Variants in RIT1 observed in about 807,000 individuals in gnomAD.
RIT1 encodes the protein Ras like without CAAX 1, also known as GTP-binding protein Rit1.
Under a neutral mutation model 25.6 loss-of-function variants are expected in RIT1, and 6 were observed. The ratio of observed to expected loss-of-function variants is 0.23; its 90% CI spans 0.13 to 0.46. RIT1 has a LOEUF of 0.46. Among genes scored for constraint, RIT1 ranks in the 20% least tolerant of loss-of-function variants. RIT1 has a pLI of 0.99. For synonymous variants in RIT1, 81 were observed against 94.1 expected, an observed-to-expected ratio of 0.86 and a Z score of 0.80; for missense variants, 219 against 284.4, an observed-to-expected ratio of 0.77 and a Z score of 1.65.
In RIT1 at chr1:155,899,768, T is replaced by C. The variant is rs1477416855; in HGVS notation, c.*620A>G. 9.0e-6 allele frequency: 2 copies of C among 221,684 alleles called. No individual in the cohort carries two copies. Among genetic ancestry groups the C allele is most frequent in the African/African-American group, 2.2e-5 (1 of 44,768 alleles). The allele number at this position is 221,684 out of a possible 1,614,324, so 13.7% of individuals were successfully genotyped here. ...TGAATTTGGGCCAAATGTGTACTTC[T>C]TAGAAAAGCGAAGCTTGTACTGAGA... On this transcript the variant is annotated 3_prime_UTR_variant, in exon 6 of 6. Coordinates refer to ENST00000368323, the MANE Select transcript of RIT1 (RefSeq NM_006912.6).
chr1:155,910,788 C>CCGGG lies in RIT1; in HGVS notation c.-28_-27insCCCG, dbSNP rs1673580126. The CCGGG allele has an allele frequency of 6.2e-7, 1 of 1,614,022 alleles. No homozygotes were observed. Among genetic ancestry groups the CCGGG allele is most frequent in the Admixed American group, 1.7e-5 (1 of 60,000 alleles). ...GTCCTCTTGGGGCCTTCCTCGGTTG[C>CCGGG]CCCGAGGAAAAGCCACCTAGAAAAG... On this transcript the variant is annotated 5_prime_UTR_variant, in exon 2 of 6. Transcript: ENST00000368323.
At chr1:155,903,047 C>T (rs1673346233) in intron 5 of RIT1, among the ~76,000 whole-genome samples, 5 of 151,968 alleles carry the variant, frequency 3.3e-5, no homozygotes, top group Admixed American at 3.3e-4. Context: ...CCTGTAATCC[C>T]AGCACTTTGG....
At position 155,900,548 on chromosome 1, in the gene RIT1, T is replaced by C. The variant is rs1372704169; in HGVS notation, c.500A>G (p.Tyr167Cys). Residue 167 changes from tyrosine (Y) to cysteine (C), a missense_variant, in exon 6 of 6, where the codon TAC becomes TGC. Tyr to Cys is a radical substitution (Grantham distance 194). Coordinates refer to ENST00000368323, the MANE Select transcript of RIT1 (RefSeq NM_006912.6). Reference sequence around the variant, plus strand: ...GAAAACATCATCAATATAGTAGCGGTATGCAGCAGATGTCTCAAAAAAGGG... The same window carrying C: ...GAAAACATCATCAATATAGTAGCGGCATGCAGCAGATGTCTCAAAAAAGGG... ...SCPFFETSAA[Y>C]RYYIDDVFHA... 8 of 1,614,064 alleles carry C rather than the reference T, an allele frequency of 5.0e-6. No individual in the cohort carries two copies. The highest frequency in any genetic ancestry group is 5.9e-6 in the Non-Finnish European group (7 of 1,180,046).
At chr1:155,908,648 C>T (rs1450802645) in intron 3 of RIT1, among the ~76,000 whole-genome samples, 2 of 150,796 alleles carry the variant, frequency 1.3e-5, no homozygotes, top group Middle Eastern at 3.2e-3. Flanking sequence ...CTGCAACCTC[C>T]GCCTCCCAGG....
chr1:155,909,216 A>C (rs1314177482), intron 3 of RIT1, among the ~76,000 whole-genome samples: 1 of 151,926 alleles, frequency 6.6e-6, no homozygotes, highest in African/African-American at 2.4e-5. Flanking sequence ...TCTACTAAAA[A>C]TACAAAAAAA....
At chr1:155,910,233 G>A (rs1241626101) in intron 3 of RIT1, 1 of 553,914 alleles carries the variant, frequency 1.8e-6, no homozygotes, top group East Asian at 3.0e-5. Context: ...TCCCATTAAT[G>A]TTCAGTAAGA....
At chr1:155,907,184 AC>A (rs1193279955) in intron 3 of RIT1, among the ~76,000 whole-genome samples, 1 of 78,464 alleles carries the variant, frequency 1.3e-5, no homozygotes, top group Non-Finnish European at 2.6e-5. Context: ...TTTTAGCTAC[AC>A]ATACACATGC....
At chr1:155,906,786 A>AG (rs1673451658) in intron 3 of RIT1, among the ~76,000 whole-genome samples, 1 of 148,370 alleles carries the variant, frequency 6.7e-6, no homozygotes, top group African/African-American at 2.5e-5. Flanking sequence ...AAAAAAAAAG[A>AG]AAAAAAGAAA....
At chr1:155,904,216 A>G in intron 5 of RIT1, 95 bp downstream of exon 5, 1 of 1,023,002 alleles carries the variant, frequency 9.8e-7, no homozygotes, top group Non-Finnish European at 1.4e-6. Flanking sequence ...TTTAAGGCAA[A>G]AAAATCTGTA....
chr1:155,903,294 C>CAA (rs912574521), intron 5 of RIT1, among the ~76,000 whole-genome samples: 1 of 138,156 alleles, frequency 7.2e-6, no homozygotes, highest in Non-Finnish European at 1.6e-5. Context: ...GACTCCGTCT[C>CAA]AAAAAAAAAT....
intron 5 of RIT1, among the ~76,000 whole-genome samples, chr1:155,902,658 A>G (rs1673335983): frequency 6.6e-6 from 1 of 151,354 alleles, no homozygotes; most frequent in Non-Finnish European, 1.5e-5. Context: ...CCCGGCCAAC[A>G]TGGTGAAACC....
Position 155,906,425 on chromosome 1 carries a change from G to A in RIT1, c.164-1621C>T, listed in dbSNP as rs181154689. Among the ~76,000 whole-genome samples the A allele has an allele frequency of 2.7e-3, 404 of 151,922 alleles. 3 individuals are homozygous for A. The highest frequency in any genetic ancestry group is 8.9e-3 in the African/African-American group (370 of 41,420). On this transcript the variant is annotated intron_variant, in intron 3 of 5. Coordinates refer to ENST00000368323, the MANE Select transcript of RIT1 (RefSeq NM_006912.6). ...AGTTGTGAAATCTACTTAATGGGCC[G>A]GGACCAGCATTAAAATAAACAAGCA...
rs774921759 is a variant in RIT1 at position 155,899,339 on chromosome 1, T to G, written c.*1049A>C. 6 of 221,592 alleles carry G rather than the reference T, an allele frequency of 2.7e-5. No individual in the cohort carries two copies. Among genetic ancestry groups the G allele is most frequent in the African/African-American group, 1.3e-4 (6 of 44,730 alleles). The allele number at this position is 221,592 out of a possible 1,614,324, so 13.7% of individuals were successfully genotyped here. A position where few individuals can be genotyped will look rare whatever the true frequency, so the allele number is the denominator to read the frequency against. The stretch of plus-strand genomic sequence containing the variant: ...CCCATTCAACAGAAATAGCAGATTT[T>G]CTCAGAGCACTGAGTCTAGTGATTG... On this transcript the variant is annotated 3_prime_UTR_variant, in exon 6 of 6. Transcript: ENST00000368323.
At chr1:155,908,272 A>G (rs1411872966) in intron 3 of RIT1, among the ~76,000 whole-genome samples, 1 of 151,084 alleles carries the variant, frequency 6.6e-6, no homozygotes, top group East Asian at 2.0e-4. Flanking sequence ...TGGCTAACAC[A>G]GTGAAACCCT....
chr1:155,904,515 A>G lies in RIT1; in HGVS notation c.238-13T>C. The G allele has an allele frequency of 6.2e-7, 1 of 1,606,864 alleles. No homozygotes were observed. The highest frequency in any genetic ancestry group is 8.5e-7 in the Non-Finnish European group (1 of 1,174,082). ...CTGTAAACTCTGCCTAGAGGGAAAC[A>G]AGGGTCATTATGTATTGACGCAATC... On this transcript the variant is annotated splice_polypyrimidine_tract_variant and intron_variant, in intron 4 of 5. Transcript: ENST00000368323.
chr1:155,901,517 AAT>A (rs374862923), intron 5 of RIT1, among the ~76,000 whole-genome samples: 3 of 152,030 alleles, frequency 2.0e-5, no homozygotes, highest in African/African-American at 7.2e-5. Flanking sequence ...GGGCACCTGT[AAT>A]CCCAGTTACT....
intron 3 of RIT1, among the ~76,000 whole-genome samples, chr1:155,905,726 G>T (rs1423337748): frequency 6.6e-6 from 1 of 151,926 alleles, no homozygotes; most frequent in Non-Finnish European, 1.5e-5. Flanking sequence ...ATTAGTGACA[G>T]AATGAGGATT....
intron 3 of RIT1, among the ~76,000 whole-genome samples, chr1:155,909,436 A>G (rs1020940280): frequency 6.6e-6 from 1 of 151,916 alleles, no homozygotes; most frequent in Non-Finnish European, 1.5e-5. Context: ...GCCCTCTCCC[A>G]TTCCCACATC....
In RIT1 at chr1:155,904,390, A is replaced by C. The variant is rs778512169; in HGVS notation, c.350T>G (p.Leu117Arg). ...GTCAGTACGTCGGACTCGATAAATA[A>C]GCTGTTTAAACTCACGAACTTCATG... ...SFHEVREFKQLIYRVRRTDDT... is the reference protein window; with the variant it reads ...SFHEVREFKQRIYRVRRTDDT... Residue 117 changes from leucine to arginine, a missense_variant, in exon 5 of 6, where the codon CTT (leucine) becomes CGT (arginine). Leu to Arg is a moderately radical substitution (Grantham distance 102, BLOSUM62 -2). Around this residue, in one of 3 missense-constraint regions of RIT1, gnomAD observed 131 missense variants for 173.6 expected, o/e 0.75. Coordinates refer to ENST00000368323, the MANE Select transcript of RIT1 (RefSeq NM_006912.6). 2 of 1,614,020 alleles carry C rather than the reference A, an allele frequency of 1.2e-6. No homozygotes were observed. The highest frequency in any genetic ancestry group is 1.7e-6 in the Non-Finnish European group (2 of 1,179,982).
Sources: allele counts gnomAD v4.1 joint callset (sites outside exome capture counted in the v4.1 genomes callset), GRCh38; gene constraint gnomAD v4.1.1; regional missense constraint gnomAD v4.1.1; transcripts MANE v1.5; gene names NCBI Gene and HGNC (gene_info 2026-07-23, HGNC 2026-07-21).